NAALADL2: variants seen among roughly 807,000 people sequenced by gnomAD.
NAALADL2 encodes N-acetylated alpha-linked acidic dipeptidase like 2.
A neutral mutation model predicts 87.2 loss-of-function variants in NAALADL2; 76 were observed. That is an observed-to-expected ratio of 0.87 (90% confidence interval 0.72 to 1.05). NAALADL2 has a LOEUF of 1.05. NAALADL2 is among the 50% of genes least tolerant of loss of function. The pLI, the probability that NAALADL2 is intolerant of heterozygous loss-of-function variation, is 0.00. For synonymous variants in NAALADL2, 354 were observed against 331.0 expected (o/e 1.07, Z -0.75); for missense variants, 1,089 against 945.8 (o/e 1.15, Z -1.99).
rs16862256 is a variant in NAALADL2 at position 174,593,035 on chromosome 3, A to C, written c.-115+42398A>C. Among the ~76,000 whole-genome samples, 114 of 152,200 alleles carry C rather than the reference A, an allele frequency of 7.5e-4. 1 individual carries two copies. Among genetic ancestry groups the C allele is most frequent in the Non-Finnish European group, 1.2e-3 (84 of 67,994 alleles). On this transcript the variant is annotated intron_variant, in intron 2 of 3. Transcript: ENST00000434257. ...TTTTCCTAAATCCAACTAACCAATC[A>C]GATAATGAGCATGGAGACTATTCAG...
chr3:174,898,112 C>CAAAAAAAAAAAAAATAAAAAAAAAA (rs1731813658), intron 1 of NAALADL2, among the ~76,000 whole-genome samples: 1 of 14,498 alleles, frequency 6.9e-5, no homozygotes, highest in Non-Finnish European at 1.2e-4. Context: ...GACTCCGTCT[C>CAAAAAAAAAAAAAATAAAAAAAAAA]AAAAAAAAAA....
At chr3:174,689,619 C>T (rs562901723) in intron 2 of NAALADL2, among the ~76,000 whole-genome samples, 12 of 152,050 alleles carry the variant, frequency 7.9e-5, no homozygotes, top group Non-Finnish European at 1.3e-4. Context: ...TTATAGTTTG[C>T]GAAGGGCTCT....
At chr3:175,503,114 A>G (rs1383223566) in intron 9 of NAALADL2, among the ~76,000 whole-genome samples, 1 of 151,800 alleles carries the variant, frequency 6.6e-6, no homozygotes, top group East Asian at 1.9e-4. Context: ...CTTGGTGTCT[A>G]TTGTTTCCTT....
chr3:174,655,267 G>T (rs1724791527), intron 2 of NAALADL2, among the ~76,000 whole-genome samples: 1 of 151,692 alleles, frequency 6.6e-6, no homozygotes, highest in African/African-American at 2.4e-5. Flanking sequence ...TGTTGTTAAA[G>T]AATATGTGCT....
intron 2 of NAALADL2, among the ~76,000 whole-genome samples, chr3:174,696,348 C>CGTCT (rs1729008365): frequency 6.6e-6 from 1 of 152,032 alleles, no homozygotes; most frequent in East Asian, 1.9e-4. Flanking sequence ...GAAGAGTAGA[C>CGTCT]ATATGATAGC....
intron 10 of NAALADL2, among the ~76,000 whole-genome samples, chr3:175,587,777 G>T (rs1371181967): frequency 1.3e-5 from 2 of 152,110 alleles, no homozygotes; most frequent in Non-Finnish European, 2.9e-5. Flanking sequence ...TACCATGAGA[G>T]ACTTTGCATA....
chr3:175,022,316 G>A (rs1311048276), intron 1 of NAALADL2, among the ~76,000 whole-genome samples: 2 of 151,964 alleles, frequency 1.3e-5, no homozygotes, highest in African/African-American at 2.4e-5. Context: ...ACTATTACGG[G>A]ATATTGCTGG....
chr3:175,721,135 G>A (rs1188548432), intron 11 of NAALADL2, among the ~76,000 whole-genome samples: 6 of 152,060 alleles, frequency 3.9e-5, no homozygotes, highest in Admixed American at 2.0e-4. Context: ...GTTCATAGTC[G>A]TGAGGTGGGT....
intron 1 of NAALADL2, among the ~76,000 whole-genome samples, chr3:174,443,637 A>T (rs1250339627): frequency 2.6e-5 from 4 of 152,220 alleles, no homozygotes; most frequent in African/African-American, 7.2e-5. Context: ...GATTGAATGC[A>T]TCAAAAGTGT....
At chr3:175,725,298 AC>A (rs1742776469) in intron 11 of NAALADL2, among the ~76,000 whole-genome samples, 1 of 152,110 alleles carries the variant, frequency 6.6e-6, no homozygotes, top group South Asian at 2.1e-4. Context: ...CATTTAATAA[AC>A]ATAAAATTAA....
intron 3 of NAALADL2, among the ~76,000 whole-genome samples, chr3:174,743,924 T>C (rs890584971): frequency 6.6e-6 from 1 of 151,866 alleles, no homozygotes; most frequent in African/African-American, 2.4e-5. Flanking sequence ...GGTAGACAAA[T>C]CACTCCCCTT....
intron 3 of NAALADL2, among the ~76,000 whole-genome samples, chr3:174,757,110 T>C (rs566668045): frequency 1.3e-5 from 2 of 152,342 alleles, no homozygotes; most frequent in South Asian, 4.1e-4. Context: ...TGCAACAAAA[T>C]TTTGTGGTTG....
intron 1 of NAALADL2, among the ~76,000 whole-genome samples, chr3:175,052,401 A>G (rs1456245694): frequency 6.6e-6 from 1 of 152,206 alleles, no homozygotes; most frequent in Non-Finnish European, 1.5e-5. Context: ...GTTTCCCAAC[A>G]TGTTCTCCTT....
intron 2 of NAALADL2, among the ~76,000 whole-genome samples, chr3:174,705,481 T>A (rs1017986924): frequency 2.6e-4 from 40 of 152,150 alleles, no homozygotes; most frequent in African/African-American, 9.4e-4. Flanking sequence ...AAAGAAATAT[T>A]CCTTTAAAAA....
At chr3:175,188,726 A>G (rs1737706532) in intron 2 of NAALADL2, among the ~76,000 whole-genome samples, 2 of 152,066 alleles carry the variant, frequency 1.3e-5, no homozygotes, top group Admixed American at 6.6e-5. Context: ...AATGTGTACC[A>G]TTCCTTGGTA....
intron 1 of NAALADL2, among the ~76,000 whole-genome samples, chr3:174,509,408 T>C (rs913243712): frequency 2.7e-5 from 4 of 148,128 alleles, no homozygotes; most frequent in African/African-American, 7.4e-5. Context: ...TTCTTTCTTT[T>C]TTTTTTTTTT....
intron 2 of NAALADL2, among the ~76,000 whole-genome samples, chr3:175,181,791 G>GTATA (rs1560129304): frequency 7.1e-6 from 1 of 141,022 alleles, no homozygotes; most frequent in African/African-American, 2.7e-5. Context: ...ATATATATGT[G>GTATA]TGTGTGTATA....
chr3:175,807,590 C>G lies in NAALADL2; in HGVS notation c.*4387C>G, dbSNP rs760281502. On this transcript the variant is annotated 3_prime_UTR_variant, in exon 14 of 14. Coordinates refer to ENST00000454872, the MANE Select transcript of NAALADL2 (RefSeq NM_207015.3). ...CTTAATAGAAAGGAATTATTTTAAA[C>G]TACCAATCCATATGTTGAGTGGAAA... 2 of 151,876 alleles carry G rather than the reference C, an allele frequency of 1.3e-5. No individual in the cohort carries two copies. The highest frequency in any genetic ancestry group is 2.9e-5 in the Non-Finnish European group (2 of 67,904). 9.4% of individuals were successfully genotyped at this position (151,876 alleles called of 1,614,324 possible).
At chr3:175,199,299 G>A (rs1268885427) in intron 2 of NAALADL2, among the ~76,000 whole-genome samples, 1 of 152,088 alleles carries the variant, frequency 6.6e-6, no homozygotes, top group Admixed American at 6.6e-5. Context: ...ATGTCTGAAG[G>A]TAGAAAAAGC....
Sources: allele counts gnomAD v4.1 joint callset (sites outside exome capture counted in the v4.1 genomes callset), GRCh38; gene constraint gnomAD v4.1.1; transcripts MANE v1.5; gene names NCBI Gene and HGNC (gene_info 2026-07-23, HGNC 2026-07-21).